CDH13: variants seen among roughly 807,000 people sequenced by gnomAD.
The protein encoded by CDH13 is cadherin 13.
Under a neutral mutation model 63.8 loss-of-function variants are expected in CDH13, and 24 were observed. The ratio of observed to expected loss-of-function variants is 0.38; its 90% CI spans 0.27 to 0.53. The LOEUF is 0.53. CDH13 is among the 20% of genes least tolerant of loss of function. CDH13 has a pLI of 0.85. For synonymous variants in CDH13, 503 were observed against 355.3 expected (o/e 1.42, Z -4.67); for missense variants, 1,049 against 903.1 (o/e 1.16, Z -2.07).
chr16:83,659,850 G>C (rs112977811), intron 8 of CDH13, among the ~76,000 whole-genome samples: 18,181 of 143,812 alleles, frequency 0.13, 1,494 homozygotes, highest in Non-Finnish European at 0.18. Flanking sequence ...GCAGTGGCAT[G>C]ATCTTGGCTC....
At chr16:83,226,917 A>G (rs2039857501) in intron 5 of CDH13, among the ~76,000 whole-genome samples, 1 of 152,150 alleles carries the variant, frequency 6.6e-6, no homozygotes, top group African/African-American at 2.4e-5. Flanking sequence ...CTATCAGCAT[A>G]AAGATATTTA....
intron 7 of CDH13, among the ~76,000 whole-genome samples, chr16:83,491,595 A>G (rs1346248628): frequency 6.6e-6 from 1 of 150,518 alleles, no homozygotes; most frequent in Admixed American, 6.6e-5. Flanking sequence ...TTTTTAATGG[A>G]AATAGTTTCC....
intron 10 of CDH13, among the ~76,000 whole-genome samples, chr16:83,744,490 G>A (rs1912379202): frequency 6.6e-6 from 1 of 151,986 alleles, no homozygotes; most frequent in Non-Finnish European, 1.5e-5. Context: ...GCAAGGGCAT[G>A]TGGAAGCCCT....
intron 6 of CDH13, among the ~76,000 whole-genome samples, chr16:83,421,415 C>T (rs990058900): frequency 2.0e-5 from 3 of 152,180 alleles, no homozygotes; most frequent in Non-Finnish European, 1.5e-5. Flanking sequence ...TATTATGAAT[C>T]TTAGCTCTCT....
chr16:82,962,687 C>T (rs956107883), intron 2 of CDH13, among the ~76,000 whole-genome samples: 1 of 152,150 alleles, frequency 6.6e-6, no homozygotes, highest in Non-Finnish European at 1.5e-5. Flanking sequence ...GCAACACATC[C>T]AGTGATGATT....
intron 7 of CDH13, among the ~76,000 whole-genome samples, chr16:83,561,746 G>T (rs188788488): frequency 2.0e-5 from 3 of 152,110 alleles, no homozygotes; most frequent in Non-Finnish European, 4.4e-5. Context: ...ATTGTTCATG[G>T]TATATGCGGA....
intron 7 of CDH13, among the ~76,000 whole-genome samples, chr16:83,565,117 G>C (rs151109520): frequency 6.6e-6 from 1 of 152,096 alleles, no homozygotes; most frequent in Non-Finnish European, 1.5e-5. Flanking sequence ...CCTCTTTCAT[G>C]TTTGTAGTTC....
chr16:83,450,702 C>T (rs527342121), intron 6 of CDH13, among the ~76,000 whole-genome samples: 1 of 152,204 alleles, frequency 6.6e-6, no homozygotes, highest in East Asian at 1.9e-4. Flanking sequence ...AACCCTGTCT[C>T]TACTAAAAAT....
chr16:82,836,757 C>T (rs115276399), intron 1 of CDH13, among the ~76,000 whole-genome samples: 2,170 of 152,280 alleles, frequency 0.014, 30 homozygotes, highest in Middle Eastern at 0.024. Flanking sequence ...TCTACCCCAA[C>T]TCATACTTCT....
chr16:83,114,640 C>A (rs1403986609), intron 3 of CDH13, among the ~76,000 whole-genome samples: 1 of 152,184 alleles, frequency 6.6e-6, no homozygotes, highest in Non-Finnish European at 1.5e-5. Flanking sequence ...TATGTGGCCT[C>A]TAGAATATTG....
chr16:82,654,693 C>G (rs1161407105), intron 1 of CDH13, among the ~76,000 whole-genome samples: 2 of 151,770 alleles, frequency 1.3e-5, no homozygotes, highest in African/African-American at 4.8e-5. Context: ...GGCAAAGATA[C>G]AAATGCTGTA....
chr16:83,706,998 A>G (rs1907176839), intron 10 of CDH13, among the ~76,000 whole-genome samples: 1 of 152,212 alleles, frequency 6.6e-6, no homozygotes, highest in Non-Finnish European at 1.5e-5. Context: ...TACATGAAGA[A>G]TGGGGTAAAC....
chr16:83,553,004 A>C (rs544812203), intron 7 of CDH13, among the ~76,000 whole-genome samples: 2 of 151,490 alleles, frequency 1.3e-5, no homozygotes, highest in South Asian at 2.1e-4. Context: ...ACTTGAACCC[A>C]GGAGGCAGAG....
chr16:83,059,659 C>G (rs558047642), intron 3 of CDH13, among the ~76,000 whole-genome samples: 2 of 152,080 alleles, frequency 1.3e-5, no homozygotes, highest in Non-Finnish European at 2.9e-5. Flanking sequence ...CTGAGGCTAG[C>G]AGGCTGACTT....
At position 83,797,478 on chromosome 16, in the gene CDH13, T is replaced by C. The variant is rs1567603708; in HGVS notation, c.*2448T>C. On this transcript the variant is annotated 3_prime_UTR_variant, in exon 14 of 14. Transcript: ENST00000567109. The stretch of plus-strand genomic sequence containing the variant: ...AACATATTCTCTGTCCCCACAGTTC[T>C]AATCAGGACAGAGATACTTCTGTCA... The C allele has an allele frequency of 1.3e-5, 2 of 152,358 alleles. No homozygotes were observed. The highest frequency in any genetic ancestry group is 3.9e-4 in the East Asian group (2 of 5,190). The allele number at this position is 152,358 out of a possible 1,614,324, so 9.4% of individuals were successfully genotyped here.
intron 8 of CDH13, among the ~76,000 whole-genome samples, chr16:83,619,182 A>C (rs1909573829): frequency 6.6e-6 from 1 of 152,186 alleles, no homozygotes; most frequent in Admixed American, 6.5e-5. Context: ...TATGTGCGCT[A>C]TGCCTCCTCT....
intron 7 of CDH13, among the ~76,000 whole-genome samples, chr16:83,493,610 G>A (rs934881640): frequency 1.3e-5 from 2 of 152,192 alleles, no homozygotes; most frequent in African/African-American, 4.8e-5. Flanking sequence ...ATATTCACAT[G>A]CTACTTAAAG....
At chr16:83,716,596 G>T (rs1255456767) in intron 10 of CDH13, among the ~76,000 whole-genome samples, 2 of 152,050 alleles carry the variant, frequency 1.3e-5, no homozygotes, top group Admixed American at 6.6e-5. Context: ...CAATCCTCCT[G>T]CCTCAGCCTC....
intron 2 of CDH13, among the ~76,000 whole-genome samples, chr16:83,012,532 G>A (rs1265217296): frequency 6.6e-6 from 1 of 151,908 alleles, no homozygotes; most frequent in Non-Finnish European, 1.5e-5. Context: ...TTCGTCATTT[G>A]GGGGAAAATA....
Sources: gnomAD v4.1 joint callset for allele counts (sites outside exome capture counted in the v4.1 genomes callset) on GRCh38, gnomAD v4.1.1 for gene constraint, MANE v1.5 for transcripts, NCBI Gene and HGNC (gene_info 2026-07-23, HGNC 2026-07-21) for gene names.